Variants in MAST2 observed in about 807,000 individuals in gnomAD.
The protein encoded by MAST2 is microtubule-associated serine/threonine-protein kinase 2.
Under a neutral mutation model 147.4 loss-of-function variants are expected in MAST2, and 70 were observed. The ratio of observed to expected loss-of-function variants is 0.47; its 90% CI spans 0.39 to 0.58. The LOEUF is 0.58. Among genes scored for constraint, MAST2 ranks in the 20% least tolerant of loss-of-function variants. The pLI, the probability that MAST2 is intolerant of heterozygous loss-of-function variation, is 0.00. For synonymous variants in MAST2, 869 were observed against 896.8 expected (o/e 0.97, Z 0.55); for missense variants, 2,080 against 2,302.3 (o/e 0.90, Z 1.98).
chr1:45,979,994 G>T (rs928573997), intron 5 of MAST2, among the ~76,000 whole-genome samples: 2 of 152,196 alleles, frequency 1.3e-5, no homozygotes, highest in Admixed American at 1.3e-4. Context: ...TGGCCATAAA[G>T]ATGGCAACAG....
chr1:46,034,031 T>G (rs1490249005), intron 27 of MAST2, 42 bp from the exon 28 acceptor site: 1 of 1,607,604 alleles, frequency 6.2e-7, no homozygotes, highest in Admixed American at 1.7e-5. Context: ...GTGTGTGCTG[T>G]GCTCACTGCA....
Position 46,029,540 on chromosome 1 carries a change from C to G in MAST2, c.2293C>G (p.Gln765Glu), listed in dbSNP as rs762356466. 15 of 1,613,996 alleles carry G rather than the reference C, an allele frequency of 9.3e-6. No individual in the cohort carries two copies. Among genetic ancestry groups the G allele is most frequent in the Non-Finnish European group, 1.2e-5 (14 of 1,179,998 alleles). The change falls in exon 19 of 29, where the codon CAG becomes GAG. Residue 765 changes from glutamine to glutamate, a missense_variant. By Grantham distance (29) the Gln-to-Glu change is conservative. This residue lies in a region of MAST2 where 209 missense variants were observed against 309.5 expected (regional missense o/e 0.68). Coordinates refer to ENST00000361297, the MANE Select transcript of MAST2 (RefSeq NM_015112.3). ...GGACCTCACCTCCAAACTGCTCCAC[C>G]AGAACCCTCTGGAGAGACTTGGCAC... Reference protein sequence around the residue: ...AQDLTSKLLHQNPLERLGTGS... With the variant: ...AQDLTSKLLHENPLERLGTGS...
chr1:46,010,581 G>C, intron 9 of MAST2, 149 bp from the exon 10 acceptor site: 1 of 637,904 alleles, frequency 1.6e-6, no homozygotes, highest in East Asian at 2.7e-5. Context: ...ATCTATTAAT[G>C]TCTTCAGTTA....
intron 4 of MAST2, among the ~76,000 whole-genome samples, chr1:45,947,486 ATTG>A (rs767330013): frequency 7.4e-4 from 112 of 152,304 alleles, no homozygotes; most frequent in Middle Eastern, 6.8e-3. Flanking sequence ...AGATATTATC[ATTG>A]TTGTTTTAAA....
intron 4 of MAST2, among the ~76,000 whole-genome samples, chr1:45,933,232 A>T (rs529088133): frequency 8.5e-6 from 1 of 118,148 alleles, no homozygotes; most frequent in African/African-American, 3.7e-5. Context: ...CTTTAAAAAA[A>T]AAAAGCGGGG....
intron 3 of MAST2, among the ~76,000 whole-genome samples, chr1:45,875,318 T>A (rs1253378701): frequency 6.6e-6 from 1 of 152,044 alleles, no homozygotes; most frequent in South Asian, 2.1e-4. Flanking sequence ...TGGTGGCGCA[T>A]GCCTGTAATC....
intron 5 of MAST2, among the ~76,000 whole-genome samples, chr1:45,984,564 C>T (rs1329702482): frequency 6.6e-6 from 1 of 152,074 alleles, no homozygotes; most frequent in Non-Finnish European, 1.5e-5. Flanking sequence ...CTGCCTCATC[C>T]TCCCAAAGTA....
intron 5 of MAST2, among the ~76,000 whole-genome samples, chr1:45,979,918 C>T (rs180770418): frequency 1.1e-4 from 16 of 152,296 alleles, no homozygotes; most frequent in Admixed American, 6.5e-4. Context: ...TTAATTAAGG[C>T]AGGAACAGAA....
chr1:45,831,906 A>G (rs1185839808), intron 3 of MAST2, among the ~76,000 whole-genome samples: 1 of 151,542 alleles, frequency 6.6e-6, no homozygotes, highest in East Asian at 1.9e-4. Flanking sequence ...CAGCCTCCCA[A>G]GTAGCTGGGA....
intron 3 of MAST2, among the ~76,000 whole-genome samples, chr1:45,867,579 G>A (rs1646207951): frequency 6.6e-6 from 1 of 152,148 alleles, no homozygotes; most frequent in South Asian, 2.1e-4. Flanking sequence ...AGAGTAGACA[G>A]TGGAGGCAAG....
intron 3 of MAST2, among the ~76,000 whole-genome samples, chr1:45,842,797 G>A (rs1162923904): frequency 6.6e-6 from 1 of 152,126 alleles, no homozygotes; most frequent in Non-Finnish European, 1.5e-5. Context: ...TTCTTTTGGG[G>A]ATATACCTGG....
chr1:46,025,424 C>A (rs1029257766), intron 15 of MAST2, among the ~76,000 whole-genome samples: 2 of 152,206 alleles, frequency 1.3e-5, no homozygotes, highest in Non-Finnish European at 2.9e-5. Context: ...TATCTCCCTC[C>A]AGGTCCCTTC....
chr1:46,034,607 A>G lies in MAST2; in HGVS notation c.3938A>G (p.His1313Arg). The G allele has an allele frequency of 1.9e-6, 3 of 1,614,066 alleles. No individual in the cohort carries two copies. Among genetic ancestry groups the G allele is most frequent in the African/African-American group, 2.7e-5 (2 of 75,014 alleles). ...CCCAGTTCCCCAGCCGGCTCTGGGC[A>G]CACACGGCCCAGCTCCCTCCACGGT... ...SVPSSPAGSG[H>R]TRPSSLHGLA... is the part of the protein sequence containing the mutation. Residue 1313 changes from histidine to arginine, a missense_variant, in exon 29 of 29, where the codon CAC (histidine) becomes CGC (arginine). His to Arg is a conservative substitution (Grantham distance 29). This residue lies in a region of MAST2 where 1,278 missense variants were observed against 1,304.2 expected (regional missense o/e 0.98). Coordinates refer to ENST00000361297, the MANE Select transcript of MAST2 (RefSeq NM_015112.3).
At chr1:45,953,292 A>G (rs1020245864) in intron 4 of MAST2, among the ~76,000 whole-genome samples, 11 of 152,072 alleles carry the variant, frequency 7.2e-5, no homozygotes, top group African/African-American at 2.4e-4. Flanking sequence ...ACTTTACCTT[A>G]GAGCAAAGAC....
chr1:45,978,332 G>A (rs1164336418), intron 5 of MAST2, among the ~76,000 whole-genome samples: 1 of 152,132 alleles, frequency 6.6e-6, no homozygotes, highest in African/African-American at 2.4e-5. Context: ...TGGCCAACAG[G>A]GCAAAACCTT....
At position 46,023,942 on chromosome 1, in the gene MAST2, C is replaced by A; in HGVS notation, c.1742C>A (p.Thr581Asn). 1 of 1,614,188 alleles carries A rather than the reference C, an allele frequency of 6.2e-7. No individual in the cohort carries two copies. The highest frequency in any genetic ancestry group is 1.3e-5 in the African/African-American group (1 of 75,048). Residue 581 changes from threonine to asparagine, a missense_variant, in exon 15 of 29, where the codon ACC (threonine) becomes AAC (asparagine). Physicochemically the swap from Thr to Asn is moderately conservative, Grantham distance 65 (BLOSUM62 0). This residue lies in a region of MAST2 where 209 missense variants were observed against 309.5 expected (regional missense o/e 0.68). Transcript: ENST00000361297. The surrounding 1 kb of genome is among the most constrained non-coding windows in gnomAD (Gnocchi z 4.9). ...FVVSMFCSFDTKRHLCMVMEY... is the reference protein window; with the variant it reads ...FVVSMFCSFDNKRHLCMVMEY... ...GTCAGCATGTTCTGCTCCTTTGATACCAAGCGCCACTTGTGCATGGTGATG... is the reference window on the plus strand; with the variant it reads ...GTCAGCATGTTCTGCTCCTTTGATAACAAGCGCCACTTGTGCATGGTGATG...
intron 1 of MAST2, 108 bp downstream of exon 1, chr1:45,804,180 A>T (rs1644070971): frequency 8.3e-7 from 1 of 1,206,544 alleles, no homozygotes; most frequent in South Asian, 3.8e-5. Context: ...GGGTCTGAGT[A>T]GTTCGCGGGG....
In MAST2 at chr1:46,025,816, G is replaced by GT; in HGVS notation, c.1919+2dup. ...TGCACCGTGACCTCAAGCCTGACAA[G>GT]TATGTCCACAGTCTGTGTCCCTTGT... On this transcript the variant is annotated splice_donor_variant, in intron 16 of 28. Coordinates refer to ENST00000361297, the MANE Select transcript of MAST2 (RefSeq NM_015112.3). LOFTEE classifies it high-confidence loss of function. 1.9e-6 allele frequency: 3 copies of GT among 1,614,192 alleles called. No individual in the cohort carries two copies. Among genetic ancestry groups the GT allele is most frequent in the Non-Finnish European group, 2.5e-6 (3 of 1,180,026 alleles).
intron 4 of MAST2, among the ~76,000 whole-genome samples, chr1:45,953,194 C>T (rs1410698368): frequency 4.0e-5 from 6 of 150,686 alleles, no homozygotes; most frequent in Non-Finnish European, 8.9e-5. Context: ...AAAAACAAAA[C>T]AATATGTAAT....
Sources: gnomAD v4.1 joint callset for allele counts (sites outside exome capture counted in the v4.1 genomes callset) on GRCh38, gnomAD v4.1.1 for gene constraint, gnomAD v4.1.1 regional missense constraint, Gnocchi (gnomAD v3.1) non-coding constraint, MANE v1.5 for transcripts, NCBI Gene and HGNC (gene_info 2026-07-23, HGNC 2026-07-21) for gene names.